Variants in CIT observed in about 807,000 individuals in gnomAD.
The protein encoded by CIT is citron Rho-interacting kinase.
In CIT, 79 loss-of-function variants were observed where a neutral mutation model predicts 272.7. The ratio of observed to expected loss-of-function variants is 0.29; its 90% CI spans 0.24 to 0.35. CIT has a LOEUF of 0.35. Among genes scored for constraint, CIT ranks in the 10% least tolerant of loss-of-function variants. The pLI is 1.00. For missense variants in CIT, 1,909 were observed against 2,618.3 expected (o/e 0.73, Z 5.91); for synonymous variants, 948 against 995.6 (o/e 0.95, Z 0.90).
intron 44 of CIT, among the ~76,000 whole-genome samples, chr12:119,698,847 T>C (rs1487441453): frequency 6.6e-6 from 1 of 152,222 alleles, no homozygotes; most frequent in Non-Finnish European, 1.5e-5. Flanking sequence ...AGCTTTTTTT[T>C]CTTTGGAGGA....
chr12:119,734,081 T>G, intron 26 of CIT, 83 bp downstream of exon 26: 1 of 1,416,038 alleles, frequency 7.1e-7, no homozygotes, highest in Non-Finnish European at 9.6e-7. Flanking sequence ...TCGGCGGGAA[T>G]AGCTGATCAC....
chr12:119,782,452 C>A (rs1015142733), intron 13 of CIT, 66 bp downstream of exon 13: 34 of 1,578,872 alleles, frequency 2.2e-5, no homozygotes, highest in Middle Eastern at 2.2e-4. Context: ...CTCAAACACG[C>A]CTCTCCTGAA....
At chr12:119,818,052 G>T (rs1309055716) in intron 9 of CIT, among the ~76,000 whole-genome samples, 3 of 152,102 alleles carry the variant, frequency 2.0e-5, no homozygotes, top group Non-Finnish European at 4.4e-5. Flanking sequence ...TTATGCAAAG[G>T]CATATATAGT....
rs781056753 is a variant in CIT at position 119,712,615 on chromosome 12, C to T, written c.4660G>A (p.Glu1554Lys). 1.2e-5 allele frequency: 19 copies of T among 1,614,046 alleles called. No individual in the cohort carries two copies. Among genetic ancestry groups the T allele is most frequent in the Admixed American group, 6.7e-5 (4 of 60,004 alleles). The part of the protein sequence containing the change: ...VSIHGAVGAS[E>K]LANTAKADVP... ...CCTGCTTTGGCTGTATTTGCGAGTT[C>T]GGAAGCACCAACGGCACCATGAATA... The change falls in exon 36 of 48, where the codon GAA (glutamate) becomes AAA (lysine). Residue 1554 changes from glutamate to lysine, a missense_variant. Glu to Lys is a moderately conservative substitution (Grantham distance 56). This residue lies in a region of CIT where 780 missense variants were observed against 1,067.2 expected (regional missense o/e 0.73). Transcript: ENST00000392521. The surrounding 1 kb of genome is among the most constrained non-coding windows in gnomAD (Gnocchi z 5.2).
chr12:119,832,643 C>CA (rs1203874798), intron 7 of CIT, 128 bp downstream of exon 7: 3 of 683,748 alleles, frequency 4.4e-6, no homozygotes, highest in Non-Finnish European at 7.6e-6. Context: ...TCCCTGTCCC[C>CA]ACCCCCATAC....
At chr12:119,720,723 T>C (rs1957779342) in intron 29 of CIT, 138 bp from the exon 30 acceptor site, 3 of 560,722 alleles carry the variant, frequency 5.4e-6, no homozygotes, top group Non-Finnish European at 9.1e-6. Context: ...TGAGTCAGTA[T>C]GTATTTAGTC....
At chr12:119,747,353 G>A (rs1034107262) in intron 23 of CIT, among the ~76,000 whole-genome samples, 4 of 151,728 alleles carry the variant, frequency 2.6e-5, no homozygotes, top group African/African-American at 7.3e-5. Flanking sequence ...CCCAGGAGGT[G>A]GAGGTTGCAG....
intron 24 of CIT, among the ~76,000 whole-genome samples, chr12:119,741,499 C>T (rs78023419): frequency 0.024 from 3,649 of 152,218 alleles, 63 homozygotes; most frequent in Middle Eastern, 0.037. Flanking sequence ...TTACTAGATA[C>T]ATTTTATATC....
chr12:119,720,398 C>T lies in CIT; in HGVS notation c.3840+80G>A, dbSNP rs7299963. The T allele has an allele frequency of 0.56, 511,583 of 912,948 alleles. 144,660 individuals carry two copies. The highest frequency in any genetic ancestry group is 0.68 in the African/African-American group (39,287 of 58,168). The allele number at this position is 912,948 out of a possible 1,614,324, so 56.6% of individuals were successfully genotyped here. The stretch of plus-strand genomic sequence containing the variant: ...TTGTTTTCTTCTATGTTCCTATGAT[C>T]ATATATCACAGTGGTGTCCACTGAG... On this transcript the variant is annotated intron_variant, in intron 30 of 47. Transcript: ENST00000392521.
chr12:119,809,818 C>T (rs904456934), intron 9 of CIT, among the ~76,000 whole-genome samples: 4 of 152,216 alleles, frequency 2.6e-5, no homozygotes, highest in Non-Finnish European at 5.9e-5. Context: ...ATAGCCTTTT[C>T]GTGCAATCCC....
Position 119,701,722 on chromosome 12 carries a change from G to C in CIT, c.5444C>G (p.Ala1815Gly), listed in dbSNP as rs1348155930. The stretch of plus-strand genomic sequence containing the variant: ...GGAAGAGGCGGCAAACACAGCAGGT[G>C]CCAAGGAATGGTCATTCTTATCCAG... Reference protein sequence around the residue: ...EFLDKNDHSLAPAVFAASSNS... With the variant: ...EFLDKNDHSLGPAVFAASSNS... The change falls in exon 43 of 48, where the codon GCA (alanine) becomes GGA (glycine). Residue 1815 changes from alanine to glycine, a missense_variant. Physicochemically the swap from Ala to Gly is moderately conservative, Grantham distance 60. This residue lies in a region of CIT where 780 missense variants were observed against 1,067.2 expected (regional missense o/e 0.73). Coordinates refer to ENST00000392521, the MANE Select transcript of CIT (RefSeq NM_001206999.2). 6.2e-7 allele frequency: 1 copy of C among 1,614,242 alleles called. No homozygotes were observed. The highest frequency in any genetic ancestry group is 1.1e-5 in the South Asian group (1 of 91,088).
At chr12:119,803,166 A>G (rs1966348376) in intron 10 of CIT, 40 bp downstream of exon 10, 1 of 791,556 alleles carries the variant, frequency 1.3e-6, no homozygotes, top group Non-Finnish European at 1.6e-6. Flanking sequence ...AAAGCCTTGC[A>G]TCAATGCAGG....
rs117235800 is a variant in CIT, at chr12:119,748,329, C to T, written c.2904+3721G>A. Among the ~76,000 whole-genome samples, 293 of 152,240 alleles carry T rather than the reference C, an allele frequency of 1.9e-3. 12 individuals carry two copies. The East Asian group carries it at 0.045, about 23-fold the overall frequency. On this transcript the variant is annotated intron_variant, in intron 23 of 47. Transcript: ENST00000392521. ...ATACTTTCTTTTGGAAGTATTTATG[C>T]CTTAATTTTCAGGAAAGTTACAAGA...
At position 119,690,231 on chromosome 12, in the gene CIT, G is replaced by A; in HGVS notation, c.6106C>T (p.Pro2036Ser). Reference sequence around the variant, plus strand: ...CTGCTGTCTTCAAACAGCCTCCCGGGGGACCGCTCTCTCCGCGTGCTGAGC... The same window carrying A: ...CTGCTGTCTTCAAACAGCCTCCCGGAGGACCGCTCTCTCCGCGTGCTGAGC... ...RMLSTRRERS[P>S]GRLFEDSSRG... Residue 2036 changes from proline (P) to serine (S), a missense_variant, in exon 47 of 48, where the codon CCC becomes TCC. Physicochemically the swap from Pro to Ser is moderately conservative, Grantham distance 74 (BLOSUM62 -1). Around this residue, in one of 8 missense-constraint regions of CIT, gnomAD observed 780 missense variants for 1,067.2 expected, o/e 0.73. Transcript: ENST00000392521. The surrounding 1 kb of genome is among the most constrained non-coding windows in gnomAD (Gnocchi z 6.0). The A allele has an allele frequency of 6.5e-7, 1 of 1,538,114 alleles. No individual in the cohort carries two copies. Among genetic ancestry groups the A allele is most frequent in the Non-Finnish European group, 8.7e-7 (1 of 1,153,332 alleles).
chr12:119,815,437 T>G (rs903284849), intron 9 of CIT, among the ~76,000 whole-genome samples: 2 of 152,030 alleles, frequency 1.3e-5, no homozygotes, highest in African/African-American at 2.4e-5. Context: ...CCAGGTGCGG[T>G]GGCTCACGCC....
rs203363 is a variant in CIT at position 119,776,878 on chromosome 12, G to A, written c.1666-36C>T. ...GGCAATGAAATAAAAGAGAACTTTC[G>A]AACTCCGAAAAGAATAGACAGGCAG... On this transcript the variant is annotated intron_variant, in intron 13 of 47. Transcript: ENST00000392521. 2,789 of 1,605,806 alleles carry A rather than the reference G, an allele frequency of 1.7e-3. 36 individuals are homozygous for A. The African/African-American group carries it at 0.031, about 18-fold the overall frequency.
intron 4 of CIT, 69 bp from the exon 5 acceptor site, chr12:119,850,344 G>T: frequency 5.1e-6 from 4 of 784,306 alleles, no homozygotes; most frequent in Non-Finnish European, 6.1e-6. Flanking sequence ...CTTTTCCTCT[G>T]TCTTTATGCC....
chr12:119,771,807 T>C (rs1319129413), intron 17 of CIT, among the ~76,000 whole-genome samples: 2 of 152,144 alleles, frequency 1.3e-5, no homozygotes, highest in African/African-American at 2.4e-5. Context: ...AGGAGACGTA[T>C]GGCTGCATTT....
intron 29 of CIT, 21 bp from the exon 30 acceptor site, chr12:119,720,606 CTA>C (rs1401636591): frequency 4.6e-6 from 7 of 1,522,544 alleles, no homozygotes; most frequent in Middle Eastern, 3.4e-4. Context: ...AGAAAACAAA[CTA>C]ACCTCAAATC....
Sources: gnomAD v4.1 joint callset for allele counts (sites outside exome capture counted in the v4.1 genomes callset) on GRCh38, gnomAD v4.1.1 for gene constraint, gnomAD v4.1.1 regional missense constraint, Gnocchi (gnomAD v3.1) non-coding constraint, MANE v1.5 for transcripts, NCBI Gene and HGNC (gene_info 2026-07-23, HGNC 2026-07-21) for gene names.